Variants in ALKBH1 observed in about 807,000 individuals in gnomAD.
The protein encoded by ALKBH1 is nucleic acid dioxygenase ALKBH1.
Under a neutral mutation model 36.6 loss-of-function variants are expected in ALKBH1, and 31 were observed. The ratio of observed to expected loss-of-function variants is 0.85; its 90% confidence interval spans 0.64 to 1.14. The LOEUF is 1.14. Ranked by LOEUF, ALKBH1 falls within the 50% of genes most tolerant of loss-of-function variation. The pLI, the probability that ALKBH1 is intolerant of heterozygous loss-of-function variation, is 0.00. For synonymous variants in ALKBH1, 183 were observed against 186.6 expected, an observed-to-expected ratio of 0.98 and a Z score of 0.16; for missense variants, 490 against 497.3, an observed-to-expected ratio of 0.99 and a Z score of 0.14.
At chr14:77,675,998 C>CTTTT in intron 4 of ALKBH1, 149 bp from the exon 5 acceptor site, 62 of 564,384 alleles carry the variant, frequency 1.1e-4, no homozygotes, top group Middle Eastern at 1.1e-3. Context: ...CTTTTCTTTT[C>CTTTT]TTTTTTTTTT....
chr14:77,676,738 T>C (rs1399050725), intron 4 of ALKBH1, among the ~76,000 whole-genome samples: 3 of 152,214 alleles, frequency 2.0e-5, no homozygotes, highest in Non-Finnish European at 4.4e-5. Context: ...TCAACTTTTC[T>C]GCAAATCTAA....
At chr14:77,696,259 C>T (rs2080326388) in intron 2 of ALKBH1, among the ~76,000 whole-genome samples, 1 of 152,072 alleles carries the variant, frequency 6.6e-6, no homozygotes, top group Non-Finnish European at 1.5e-5. Flanking sequence ...TGTGATCCTG[C>T]TTCTCTGCAA....
intron 3 of ALKBH1, among the ~76,000 whole-genome samples, chr14:77,691,215 T>C (rs376390725): frequency 2.0e-5 from 3 of 151,912 alleles, no homozygotes; most frequent in East Asian, 1.9e-4. Context: ...AGTTCAAGTA[T>C]TTTTTTTTAA....
intron 3 of ALKBH1, among the ~76,000 whole-genome samples, chr14:77,691,462 G>A (rs2080296793): frequency 6.6e-6 from 1 of 152,146 alleles, no homozygotes; most frequent in African/African-American, 2.4e-5. Context: ...AGTTGGGAGA[G>A]CTGCCAGGTA....
chr14:77,701,469 C>T (rs2080358884), intron 2 of ALKBH1, among the ~76,000 whole-genome samples: 1 of 152,154 alleles, frequency 6.6e-6, no homozygotes, highest in Non-Finnish European at 1.5e-5. Flanking sequence ...CTGCTTCCCA[C>T]CACTTCTTGT....
At chr14:77,684,365 T>C (rs1472503860) in intron 3 of ALKBH1, among the ~76,000 whole-genome samples, 1 of 128,308 alleles carries the variant, frequency 7.8e-6, no homozygotes, top group Admixed American at 8.9e-5. Context: ...CTTTATTCTT[T>C]TTCTTTTTTT....
intron 3 of ALKBH1, among the ~76,000 whole-genome samples, chr14:77,691,120 C>G (rs1280383980): frequency 6.6e-6 from 1 of 152,100 alleles, no homozygotes; most frequent in East Asian, 1.9e-4. Flanking sequence ...CTCTTGTACA[C>G]TTTTACAACA....
chr14:77,688,591 C>T (rs1176480434), intron 3 of ALKBH1, among the ~76,000 whole-genome samples: 7 of 142,334 alleles, frequency 4.9e-5, no homozygotes, highest in Admixed American at 1.4e-4. Context: ...CTCATTCTGT[C>T]GCGCAGGCTG....
At position 77,673,699 on chromosome 14, in the gene ALKBH1, T is replaced by C; in HGVS notation, c.*113A>G. The C allele has an allele frequency of 1.8e-6, 2 of 1,113,528 alleles. No individual in the cohort carries two copies. The highest frequency in any genetic ancestry group is 2.6e-6 in the Non-Finnish European group (2 of 771,598). 69.0% of individuals were successfully genotyped at this position (1,113,528 alleles called of 1,614,324 possible). On this transcript the variant is annotated 3_prime_UTR_variant, in exon 6 of 6. Coordinates refer to ENST00000216489, the MANE Select transcript of ALKBH1 (RefSeq NM_006020.3). ...CAACAGTGTGATCAACAATGAGTTC[T>C]TCCCTGTCTCTGTTTTTGGCTTGTC...
At chr14:77,676,142 C>T (rs977920549) in intron 4 of ALKBH1, among the ~76,000 whole-genome samples, 2 of 145,800 alleles carry the variant, frequency 1.4e-5, no homozygotes, top group Non-Finnish European at 3.0e-5. Flanking sequence ...ACCACAGGTG[C>T]GTGCCACCAT....
At chr14:77,680,466 G>A (rs2080230473) in intron 3 of ALKBH1, among the ~76,000 whole-genome samples, 1 of 152,046 alleles carries the variant, frequency 6.6e-6, no homozygotes, top group East Asian at 1.9e-4. Context: ...ATAGTGTATA[G>A]TACAATAAAA....
chr14:77,697,720 A>G (rs1033720580), intron 2 of ALKBH1, among the ~76,000 whole-genome samples: 1 of 147,750 alleles, frequency 6.8e-6, no homozygotes, highest in Non-Finnish European at 1.5e-5. Context: ...AAAAAAAAAG[A>G]ATTAGAAGCC....
chr14:77,701,591 T>C (rs1335228601), intron 2 of ALKBH1, among the ~76,000 whole-genome samples: 1 of 152,146 alleles, frequency 6.6e-6, no homozygotes, highest in Non-Finnish European at 1.5e-5. Flanking sequence ...AGAGGATGTG[T>C]CCTCACACAA....
chr14:77,678,720 G>A (rs2080219947), intron 4 of ALKBH1, among the ~76,000 whole-genome samples: 1 of 152,128 alleles, frequency 6.6e-6, no homozygotes, highest in African/African-American at 2.4e-5. Flanking sequence ...AAGCATAGAG[G>A]ATAGGAAAGA....
chr14:77,694,874 G>A lies in ALKBH1; in HGVS notation c.319C>T (p.Leu107Phe), dbSNP rs761713671. The change falls in exon 3 of 6, where the codon CTC (leucine) becomes TTC (phenylalanine). Residue 107 changes from leucine (L) to phenylalanine (F), a missense_variant. Coordinates refer to ENST00000216489, the MANE Select transcript of ALKBH1 (RefSeq NM_006020.3). ...ACCCAGTGCCACTGGTAACCTGGGAGGAAGGGGTTTGGGATAAAAATAAAC... is the reference window on the plus strand; with the variant it reads ...ACCCAGTGCCACTGGTAACCTGGGAAGAAGGGGTTTGGGATAAAAATAAAC... ...PGFIFIPNPF[L>F]PGYQWHWVKQ... 13 of 1,569,926 alleles carry A rather than the reference G, an allele frequency of 8.3e-6. No homozygotes were observed. The highest frequency in any genetic ancestry group is 1.1e-5 in the Non-Finnish European group (13 of 1,161,898).
Position 77,672,992 on chromosome 14 carries a change from A to G in ALKBH1, c.*820T>C, listed in dbSNP as rs1018005166. 2 of 146,902 alleles carry G rather than the reference A, an allele frequency of 1.4e-5. No individual in the cohort carries two copies. Among genetic ancestry groups the G allele is most frequent in the African/African-American group, 4.9e-5 (2 of 41,012 alleles). The allele number at this position is 146,902 out of a possible 1,614,324, so 9.1% of individuals were successfully genotyped here. ...TGAACAATACAGCAAAGAAAAACAG[A>G]AAAAAAAACCTTAATCCCAGATAGA... On this transcript the variant is annotated 3_prime_UTR_variant, in exon 6 of 6. Transcript: ENST00000216489.
At chr14:77,704,808 G>A (rs1354368827) in intron 1 of ALKBH1, among the ~76,000 whole-genome samples, 1 of 152,152 alleles carries the variant, frequency 6.6e-6, no homozygotes, top group Non-Finnish European at 1.5e-5. Flanking sequence ...TTTTAGATGA[G>A]TCATTTAATG....
intron 3 of ALKBH1, among the ~76,000 whole-genome samples, chr14:77,687,473 T>C (rs1657093883): frequency 6.7e-6 from 1 of 148,708 alleles, no homozygotes; most frequent in Non-Finnish European, 1.5e-5. Flanking sequence ...CAAGCTACCC[T>C]GCTTATACCT....
intron 3 of ALKBH1, among the ~76,000 whole-genome samples, chr14:77,692,905 T>TA (rs10638829): frequency 1.5e-3 from 190 of 130,496 alleles, no homozygotes; most frequent in East Asian, 0.013. Flanking sequence ...CCCAGCTAAT[T>TA]AAAAAAAAAA....
Sources: allele counts gnomAD v4.1 joint callset (sites outside exome capture counted in the v4.1 genomes callset), GRCh38; gene constraint gnomAD v4.1.1; transcripts MANE v1.5; gene names NCBI Gene and HGNC (gene_info 2026-07-23, HGNC 2026-07-21).